The following RUBCN variants were observed in gnomAD, a reference collection of about 807,000 sequenced individuals.
RUBCN encodes the protein run domain Beclin-1-interacting and cysteine-rich domain-containing protein.
A neutral mutation model predicts 113.2 loss-of-function variants in RUBCN; 74 were observed. The ratio of observed to expected loss-of-function variants is 0.65; its 90% CI spans 0.54 to 0.79. The LOEUF (loss-of-function observed/expected upper bound fraction) is 0.79, where lower values mean the gene tolerates loss of function less well. RUBCN is among the 30% of genes least tolerant of loss of function. The pLI is 0.00. For synonymous variants in RUBCN, 480 were observed against 490.0 expected (o/e 0.98, Z 0.27); for missense variants, 1,109 against 1,251.7 (o/e 0.89, Z 1.72).
chr3:197,714,941 G>A (rs1725351153), intron 2 of RUBCN, among the ~76,000 whole-genome samples: 1 of 152,096 alleles, frequency 6.6e-6, no homozygotes, highest in South Asian at 2.1e-4. Flanking sequence ...AGAATTATTG[G>A]ATTCTACTCA....
rs910775992 is a variant in RUBCN, at chr3:197,683,275, C to A, written c.1980+32G>T. 3.7e-6 allele frequency: 6 copies of A among 1,614,006 alleles called. No homozygotes were observed. Among genetic ancestry groups the A allele is most frequent in the African/African-American group, 2.7e-5 (2 of 75,048 alleles). ...ACAAGGTCACAGAGGCTCACGATGG[C>A]CCCTGGGTAGGAAGAAGAGCTAAGG... On this transcript the variant is annotated intron_variant, in intron 13 of 19. Transcript: ENST00000296343. This position sits in a 1 kb window ranked among gnomAD's most constrained non-coding sequence, Gnocchi z 4.6.
chr3:197,675,919 T>C lies in RUBCN; in HGVS notation c.2647-404A>G, dbSNP rs1340919119. Among the ~76,000 whole-genome samples, 1 of 152,066 alleles carries C rather than the reference T, an allele frequency of 6.6e-6. No homozygotes were observed. The highest frequency in any genetic ancestry group is 2.4e-5 in the African/African-American group (1 of 41,388). Reference sequence around the variant, plus strand: ...ACACAGCTCCAAGCCTGGAGTCAGGTTGTAGTGAAGGATTTCCAGTTCCTC... The same window carrying C: ...ACACAGCTCCAAGCCTGGAGTCAGGCTGTAGTGAAGGATTTCCAGTTCCTC... On this transcript the variant is annotated intron_variant, in intron 18 of 19. Coordinates refer to ENST00000296343, the MANE Select transcript of RUBCN (RefSeq NM_014687.4). The surrounding 1 kb of genome is among the most constrained non-coding windows in gnomAD (Gnocchi z 4.4).
At position 197,691,009 on chromosome 3, in the gene RUBCN, G is replaced by A. The variant is rs764448854; in HGVS notation, c.1786+2706C>T. 3.5e-5 allele frequency: 31 copies of A among 882,106 alleles called. No homozygotes were observed. In the East Asian group the frequency reaches 1.3e-3, roughly 37 times the overall value. The allele number at this position is 882,106 out of a possible 1,614,324, so 54.6% of individuals were successfully genotyped here. The stretch of plus-strand genomic sequence containing the variant: ...AGTTATCACATGATTAAGTATATAC[G>A]AAAGCTGGTGCAACATTCTCACACA... On this transcript the variant is annotated intron_variant, in intron 11 of 19. Transcript: ENST00000296343.
At chr3:197,703,087 C>T (rs529854043) in intron 5 of RUBCN, among the ~76,000 whole-genome samples, 1 of 152,122 alleles carries the variant, frequency 6.6e-6, no homozygotes, top group Admixed American at 6.5e-5. Context: ...AACAGTACCT[C>T]CCCTCCTCCA....
chr3:197,710,501 G>GAGGC (rs534176297), intron 2 of RUBCN, among the ~76,000 whole-genome samples: 74 of 152,008 alleles, frequency 4.9e-4, no homozygotes, highest in African/African-American at 1.6e-3. Flanking sequence ...TTGGGAGGCT[G>GAGGC]AGGCAGGAGA....
chr3:197,691,666 CCT>C (rs992440084), intron 11 of RUBCN, among the ~76,000 whole-genome samples: 13 of 152,206 alleles, frequency 8.5e-5, no homozygotes, highest in African/African-American at 2.2e-4. Context: ...GTGCTTTGGG[CCT>C]CTCTCTCGGC....
At chr3:197,691,048 A>G in intron 11 of RUBCN, 1 of 1,232,534 alleles carries the variant, frequency 8.1e-7, no homozygotes, top group Non-Finnish European at 1.1e-6. Context: ...ATCTACAAGC[A>G]CATCCACGCT....
At position 197,674,908 on chromosome 3, in the gene RUBCN, T is replaced by TA. The variant is rs372329370; in HGVS notation, c.*109dup. ...AAAAAAAAAAAAAGATGATGATAAT[T>TA]AAAAAAAAAAAAAAAAAAAGAAGCC... On this transcript the variant is annotated 3_prime_UTR_variant, in exon 20 of 20. Coordinates refer to ENST00000296343, the MANE Select transcript of RUBCN (RefSeq NM_014687.4). 24,588 of 623,636 alleles carry TA rather than the reference T, an allele frequency of 0.039. 239 individuals are homozygous for TA. The highest frequency in any genetic ancestry group is 0.11 in the African/African-American group (4,517 of 42,060). 38.6% of individuals were successfully genotyped at this position (623,636 alleles called of 1,614,324 possible). A position where few individuals can be genotyped will look rare whatever the true frequency, so the allele number is the denominator to read the frequency against.
At chr3:197,720,968 C>T (rs755455599) in intron 1 of RUBCN, among the ~76,000 whole-genome samples, 12 of 151,986 alleles carry the variant, frequency 7.9e-5, no homozygotes, top group African/African-American at 2.4e-4. Context: ...TCACCGACAC[C>T]GGCTATCTTC....
chr3:197,723,314 G>A (rs987462969), intron 1 of RUBCN, among the ~76,000 whole-genome samples: 24 of 151,984 alleles, frequency 1.6e-4, no homozygotes, highest in Non-Finnish European at 3.4e-4. Context: ...TGAGTAGTTG[G>A]AATTAGAGTT....
intron 1 of RUBCN, among the ~76,000 whole-genome samples, chr3:197,734,349 A>T (rs1217691623): frequency 1.3e-5 from 2 of 150,334 alleles, no homozygotes; most frequent in African/African-American, 2.5e-5. Context: ...GCTGGAGAAT[A>T]TCTTGAGCCC....
In RUBCN at chr3:197,704,703, T is replaced by C; in HGVS notation, c.304-2A>G. ...GTCGTTCTCGTGCACGCTGATGAAC[T>C]GGGAAGCAAAGGGGCATGAGTCAAA... On this transcript the variant is annotated splice_acceptor_variant, in intron 3 of 19. Coordinates refer to ENST00000296343, the MANE Select transcript of RUBCN (RefSeq NM_014687.4). LOFTEE classifies it high-confidence loss of function. The C allele has an allele frequency of 1.2e-6, 2 of 1,613,510 alleles. No individual in the cohort carries two copies. The highest frequency in any genetic ancestry group is 1.7e-6 in the Non-Finnish European group (2 of 1,179,954).
In RUBCN at chr3:197,670,471, C is replaced by T. The variant is rs1369463439; in HGVS notation, c.*4547G>A. On this transcript the variant is annotated 3_prime_UTR_variant, in exon 20 of 20. Coordinates refer to ENST00000296343, the MANE Select transcript of RUBCN (RefSeq NM_014687.4). The stretch of plus-strand genomic sequence containing the variant: ...CTTTCCAATTTTGGAATATGATCAT[C>T]TAAAATCTAAGTTAAATGTTGAGAA... 6.6e-6 allele frequency among the ~76,000 whole-genome samples: 1 copy of T among 152,152 alleles called. No homozygotes were observed. The highest frequency in any genetic ancestry group is 2.4e-5 in the African/African-American group (1 of 41,434).
chr3:197,746,197 G>T (rs905286111), intron 1 of RUBCN, among the ~76,000 whole-genome samples: 2 of 152,238 alleles, frequency 1.3e-5, no homozygotes, highest in Non-Finnish European at 2.9e-5. Context: ...GCAGCACAAA[G>T]CTTGAGGATA....
intron 2 of RUBCN, among the ~76,000 whole-genome samples, chr3:197,716,513 T>C (rs1725531898): frequency 6.6e-6 from 1 of 152,146 alleles, no homozygotes; most frequent in Admixed American, 6.5e-5. Context: ...TCCTTTATCC[T>C]ACCTACTTCT....
At chr3:197,696,314 G>A (rs532520321) in intron 8 of RUBCN, among the ~76,000 whole-genome samples, 1 of 151,674 alleles carries the variant, frequency 6.6e-6, no homozygotes, top group Non-Finnish European at 1.5e-5. Context: ...GGAGGTTGCA[G>A]TGAGCCAAGA....
intron 1 of RUBCN, among the ~76,000 whole-genome samples, chr3:197,727,223 AGCCACC>A (rs1726863955): frequency 6.6e-6 from 1 of 152,346 alleles, no homozygotes; most frequent in African/African-American, 2.4e-5. Flanking sequence ...TACAGGCGTG[AGCCACC>A]TCACCTGGCC....
chr3:197,720,773 G>T (rs1308471091), intron 1 of RUBCN, among the ~76,000 whole-genome samples: 1 of 152,224 alleles, frequency 6.6e-6, no homozygotes, highest in Non-Finnish European at 1.5e-5. Context: ...AAATAGAGGA[G>T]TGCAGGTATC....
In RUBCN at chr3:197,701,866, T is replaced by C. The variant is rs767751898; in HGVS notation, c.571-2A>G. 6.2e-7 allele frequency: 1 copy of C among 1,613,782 alleles called. No individual in the cohort carries two copies. Among genetic ancestry groups the C allele is most frequent in the Non-Finnish European group, 8.5e-7 (1 of 1,179,962 alleles). ...CGGGCTCTCGTGCTTTCTGGCAAAC[T>C]AAAAAGCAAAACAAAACCAAAAAAT... is the stretch of plus-strand genomic sequence containing the variant. On this transcript the variant is annotated splice_acceptor_variant, in intron 5 of 19. Coordinates refer to ENST00000296343, the MANE Select transcript of RUBCN (RefSeq NM_014687.4). LOFTEE classifies it high-confidence loss of function.
Sources: allele counts gnomAD v4.1 joint callset (sites outside exome capture counted in the v4.1 genomes callset), GRCh38; gene constraint gnomAD v4.1.1; non-coding constraint Gnocchi (gnomAD v3.1); transcripts MANE v1.5; gene names NCBI Gene and HGNC (gene_info 2026-07-23, HGNC 2026-07-21).